DDC: variants seen among roughly 807,000 people sequenced by gnomAD.
DDC encodes the protein aromatic-L-amino-acid decarboxylase.
In DDC, 43 loss-of-function variants were observed where a neutral mutation model predicts 60.0. The observed-to-expected ratio is 0.72, with a 90% CI of 0.56 to 0.92. DDC has a LOEUF of 0.92. DDC is among the 40% of genes least tolerant of loss of function. The pLI is 0.00. For synonymous variants in DDC, 232 were observed against 234.6 expected, an observed-to-expected ratio of 0.99 and a Z score of 0.10; for missense variants, 573 against 620.2, an observed-to-expected ratio of 0.92 and a Z score of 0.81.
intron 3 of DDC, chr7:50,539,696 A>G (rs1370035725): frequency 1.8e-6 from 1 of 549,430 alleles, no homozygotes; most frequent in African/African-American, 1.9e-5. Context: ...GCCTGTGCAG[A>G]ATGGGCTTTG....
intron 9 of DDC, among the ~76,000 whole-genome samples, chr7:50,487,740 C>A (rs552109923): frequency 1.8e-4 from 27 of 152,216 alleles, no homozygotes; most frequent in African/African-American, 6.5e-4. Context: ...GTTCACATGA[C>A]TTAACTTTTA....
chr7:50,564,674 C>T, intron 1 of DDC, among the ~76,000 whole-genome samples: 1 of 152,264 alleles, frequency 6.6e-6, no homozygotes, highest in African/African-American at 2.4e-5. Context: ...TTCCTATCCG[C>T]ATATGTTTTC....
chr7:50,497,276 A>G (rs1046189686), intron 8 of DDC, among the ~76,000 whole-genome samples: 9 of 152,216 alleles, frequency 5.9e-5, no homozygotes, highest in African/African-American at 2.2e-4. Context: ...TACAGCATGA[A>G]ATCCTGTCTG....
At chr7:50,471,084 C>A (rs1467562688) in intron 11 of DDC, among the ~76,000 whole-genome samples, 1 of 152,180 alleles carries the variant, frequency 6.6e-6, no homozygotes, top group Non-Finnish European at 1.5e-5. Context: ...GGAGGGCTTG[C>A]AGGTGTTTTT....
chr7:50,468,599 C>T (rs949349255), intron 12 of DDC, among the ~76,000 whole-genome samples: 4 of 152,168 alleles, frequency 2.6e-5, no homozygotes, highest in African/African-American at 9.7e-5. Flanking sequence ...CAGTTCATGG[C>T]ACATCCTAGG....
chr7:50,483,193 T>G lies in DDC; in HGVS notation c.945-3330A>C, dbSNP rs1319228214. On this transcript the variant is annotated intron_variant, in intron 9 of 14. Transcript: ENST00000444124. ...AAGAAGTTCTCTGCTGTTCCGATTT[T>G]ACTAAGACATTTTGTCCTGAAATGT... is the stretch of plus-strand genomic sequence containing the variant. 3.9e-5 allele frequency among the ~76,000 whole-genome samples: 6 copies of G among 152,196 alleles called. No homozygotes were observed. In the East Asian group the frequency reaches 1.2e-3, roughly 29 times the overall value.
chr7:50,460,748 A>G (rs1039908766), intron 14 of DDC, among the ~76,000 whole-genome samples: 5 of 151,628 alleles, frequency 3.3e-5, no homozygotes, highest in Non-Finnish European at 5.9e-5. Flanking sequence ...CAGTGACCCT[A>G]CCCCCAACCC....
intron 6 of DDC, among the ~76,000 whole-genome samples, chr7:50,518,107 A>C (rs1213920018): frequency 6.6e-6 from 1 of 151,558 alleles, no homozygotes; most frequent in Non-Finnish European, 1.5e-5. Flanking sequence ...GCTACTCAGG[A>C]GGCTGAGGCA....
rs187654216 is a variant in DDC, at chr7:50,471,006, C to T, written c.1042-835G>A. Among the ~76,000 whole-genome samples, 941 of 152,356 alleles carry T rather than the reference C, an allele frequency of 6.2e-3. 9 individuals are homozygous for T. The highest frequency in any genetic ancestry group is 0.022 in the African/African-American group (895 of 41,580). ...AGTGCAGCCAGGCGCGACACTCTAG[C>T]GCAGCTGGGCCATCTGCCGGGTGGG... On this transcript the variant is annotated intron_variant, in intron 11 of 14. Coordinates refer to ENST00000444124, the MANE Select transcript of DDC (RefSeq NM_001082971.2).
intron 4 of DDC, among the ~76,000 whole-genome samples, chr7:50,536,504 G>A (rs909922726): frequency 5.9e-5 from 9 of 152,192 alleles, no homozygotes; most frequent in Admixed American, 4.6e-4. Context: ...GACACAGCTG[G>A]CTTTGAAAAT....
At chr7:50,540,651 T>A (rs980950097) in intron 2 of DDC, among the ~76,000 whole-genome samples, 1 of 152,196 alleles carries the variant, frequency 6.6e-6, no homozygotes, top group African/African-American at 2.4e-5. Flanking sequence ...ACCTCTGCTG[T>A]CCCTCAGCCT....
intron 6 of DDC, among the ~76,000 whole-genome samples, chr7:50,523,323 G>A (rs984217409): frequency 6.6e-6 from 1 of 152,124 alleles, no homozygotes; most frequent in African/African-American, 2.4e-5. Context: ...TTGATAATCT[G>A]GACTTCATTG....
chr7:50,544,628 T>C (rs1048388353), intron 1 of DDC, among the ~76,000 whole-genome samples: 11 of 152,198 alleles, frequency 7.2e-5, no homozygotes, highest in Admixed American at 2.0e-4. Flanking sequence ...TTCTCTCCTC[T>C]TGATTCTGTC....
chr7:50,510,719 C>T (rs1289670887), intron 6 of DDC, among the ~76,000 whole-genome samples: 6 of 148,052 alleles, frequency 4.1e-5, no homozygotes, highest in Admixed American at 6.8e-5. Context: ...CGGTGGCTCA[C>T]GCCTGTAATC....
intron 9 of DDC, among the ~76,000 whole-genome samples, chr7:50,483,385 C>G (rs1467696279): frequency 2.0e-5 from 3 of 152,096 alleles, no homozygotes; most frequent in East Asian, 3.8e-4. Flanking sequence ...TTTAAAATCT[C>G]ATTGGATTTT....
intron 2 of DDC, 137 bp downstream of exon 2, chr7:50,543,748 A>G: frequency 1.1e-6 from 1 of 876,848 alleles, no homozygotes. Flanking sequence ...TCAGTTGTAA[A>G]ATAGAAATGA....
At chr7:50,504,148 A>C in intron 6 of DDC, 89 bp from the exon 7 acceptor site, 1 of 902,922 alleles carries the variant, frequency 1.1e-6, no homozygotes, top group East Asian at 2.4e-5. Context: ...CCCATGGTCC[A>C]ACCTGGGGCC....
At chr7:50,509,711 T>C (rs960640891) in intron 6 of DDC, among the ~76,000 whole-genome samples, 11 of 152,224 alleles carry the variant, frequency 7.2e-5, no homozygotes, top group Non-Finnish European at 1.0e-4. Flanking sequence ...ACTTGGCACT[T>C]CCAGCAATTT....
At chr7:50,553,405 A>G (rs952706451) in intron 1 of DDC, among the ~76,000 whole-genome samples, 3 of 152,044 alleles carry the variant, frequency 2.0e-5, no homozygotes, top group Non-Finnish European at 4.4e-5. Context: ...ATATACTTAT[A>G]AATCCAGGCA....
Sources: gnomAD v4.1 joint callset for allele counts (sites outside exome capture counted in the v4.1 genomes callset) on GRCh38, gnomAD v4.1.1 for gene constraint, MANE v1.5 for transcripts, NCBI Gene and HGNC (gene_info 2026-07-23, HGNC 2026-07-21) for gene names.